The following SOS1 variants were observed in gnomAD, a reference collection of about 807,000 sequenced individuals.
SOS1 encodes the protein SOS Ras/Rac guanine nucleotide exchange factor 1.
A neutral mutation model predicts 157.6 loss-of-function variants in SOS1; 25 were observed. That is an observed-to-expected ratio of 0.16 (90% CI 0.12 to 0.22). SOS1 has a LOEUF of 0.22. SOS1 is among the 10% of genes least tolerant of loss of function. SOS1 has a pLI of 1.00. For synonymous variants in SOS1, 528 were observed against 534.0 expected (o/e 0.99, Z 0.16); for missense variants, 1,237 against 1,599.1 (o/e 0.77, Z 3.86).
chr2:39,068,311 C>A (rs1340458067), intron 1 of SOS1, among the ~76,000 whole-genome samples: 2 of 152,070 alleles, frequency 1.3e-5, no homozygotes, highest in Non-Finnish European at 2.9e-5. Context: ...CAATATGATG[C>A]AGAAATGGGG....
chr2:39,087,903 T>A lies in SOS1; in HGVS notation c.88-20150A>T, dbSNP rs540273733. On this transcript the variant is annotated intron_variant, in intron 1 of 22. Coordinates refer to ENST00000402219, the MANE Select transcript of SOS1 (RefSeq NM_005633.4). ...CACATTGCCCAGGCTGGTCTTGAAC[T>A]CCTGGGCTCAAGTAATCCTCCTGCC... Among the ~76,000 whole-genome samples the A allele has an allele frequency of 3.9e-5, 6 of 151,952 alleles. No homozygotes were observed. In the South Asian group the frequency reaches 1.2e-3, roughly 32 times the overall value.
At chr2:39,067,264 T>C (rs890955977) in intron 2 of SOS1, among the ~76,000 whole-genome samples, 1 of 152,138 alleles carries the variant, frequency 6.6e-6, no homozygotes, top group Non-Finnish European at 1.5e-5. Context: ...TTCTTCTGCT[T>C]TGGCCTCCCA....
In SOS1 at chr2:39,067,714, C is replaced by G. The variant is rs730881052; in HGVS notation, c.127G>C (p.Asp43His). 1.9e-6 allele frequency: 3 copies of G among 1,611,466 alleles called. No homozygotes were observed. The highest frequency in any genetic ancestry group is 2.5e-6 in the Non-Finnish European group (3 of 1,177,564). ...AATTCTTCAACATACTGAAGAGCAT[C>G]ATCATTAGACTCGAGAGTAGGATGA... ...QVHPTLESND[D>H]ALQYVEELIL... is the part of the protein sequence containing the mutation. Residue 43 changes from aspartate (D) to histidine (H), a missense_variant, in exon 2 of 23, where the codon GAT (aspartate) becomes CAT (histidine). Transcript: ENST00000402219.
At position 39,024,045 on chromosome 2, in the gene SOS1, T is replaced by C. The variant is rs1226920380; in HGVS notation, c.1167A>G (p.Lys389=). ...ALLNVQSGME[K]ICSKSLAKRR... is the part of the protein sequence containing the mutation. ...GTTTTGCAAGACTTTTAGAACATAT[T>C]TTTTCCATACCACTCTGAACATTAA... Residue 389 remains lysine (K), a synonymous_variant, in exon 9 of 23, where the codon AAA becomes AAG. Coordinates refer to ENST00000402219, the MANE Select transcript of SOS1 (RefSeq NM_005633.4). 2 of 1,603,442 alleles carry C rather than the reference T, an allele frequency of 1.2e-6. No individual in the cohort carries two copies. The highest frequency in any genetic ancestry group is 1.3e-5 in the African/African-American group (1 of 74,868).
intron 6 of SOS1, among the ~76,000 whole-genome samples, chr2:39,050,774 C>T (rs1350286615): frequency 6.6e-6 from 1 of 152,156 alleles, no homozygotes; most frequent in Non-Finnish European, 1.5e-5. Context: ...ACTGGTCACA[C>T]AACTAATAAG....
intron 8 of SOS1, among the ~76,000 whole-genome samples, chr2:39,032,272 T>C (rs890964852): frequency 1.2e-4 from 18 of 152,182 alleles, no homozygotes; most frequent in African/African-American, 4.3e-4. Flanking sequence ...ATTTGACCAG[T>C]ATCTCCCTAC....
chr2:39,083,815 A>T (rs1672286519), intron 1 of SOS1, among the ~76,000 whole-genome samples: 1 of 152,202 alleles, frequency 6.6e-6, no homozygotes. Flanking sequence ...GACCACCAGT[A>T]AGGGAATGGT....
chr2:39,025,848 TCTTA>T (rs891891817), intron 8 of SOS1, among the ~76,000 whole-genome samples: 1 of 152,236 alleles, frequency 6.6e-6, no homozygotes, highest in Non-Finnish European at 1.5e-5. Context: ...TAAACAGATT[TCTTA>T]CTTATATTCT....
intron 17 of SOS1, among the ~76,000 whole-genome samples, chr2:38,998,350 A>G (rs981428585): frequency 6.6e-6 from 1 of 152,038 alleles, no homozygotes; most frequent in Admixed American, 6.6e-5. Context: ...CCTGGGTTCA[A>G]GCGATTCTCC....
At chr2:39,106,548 G>T (rs1041602005) in intron 1 of SOS1, among the ~76,000 whole-genome samples, 2 of 139,014 alleles carry the variant, frequency 1.4e-5, no homozygotes, top group African/African-American at 5.7e-5. Context: ...CCGAGATCCC[G>T]CCACTGCACT....
At chr2:39,011,548 T>G (rs1669474406) in intron 14 of SOS1, among the ~76,000 whole-genome samples, 1 of 152,114 alleles carries the variant, frequency 6.6e-6, no homozygotes, top group Non-Finnish European at 1.5e-5. Flanking sequence ...ATCTATAAAT[T>G]TATCTCATTT....
Position 38,984,049 on chromosome 2 carries a change from T to A in SOS1, c.*1775A>T, listed in dbSNP as rs982612850. ...TCTTAAAGGACTACATACTGTACTATCGTGATGTACATTTTATGCTCTAAT... is the reference window on the plus strand; with the variant it reads ...TCTTAAAGGACTACATACTGTACTAACGTGATGTACATTTTATGCTCTAAT... On this transcript the variant is annotated 3_prime_UTR_variant, in exon 23 of 23. Coordinates refer to ENST00000402219, the MANE Select transcript of SOS1 (RefSeq NM_005633.4). 1 of 152,198 alleles carries A rather than the reference T, an allele frequency of 6.6e-6. No individual in the cohort carries two copies. Among genetic ancestry groups the A allele is most frequent in the African/African-American group, 2.4e-5 (1 of 41,450 alleles). 9.4% of individuals were successfully genotyped at this position (152,198 alleles called of 1,614,324 possible). A position where few individuals can be genotyped will look rare whatever the true frequency, so the allele number is the denominator to read the frequency against.
At chr2:39,105,222 T>A (rs1458074374) in intron 1 of SOS1, among the ~76,000 whole-genome samples, 1 of 152,136 alleles carries the variant, frequency 6.6e-6, no homozygotes, top group Non-Finnish European at 1.5e-5. Context: ...TACAAAAAGT[T>A]TGTATCAATT....
At chr2:39,036,507 C>T (rs1042902539) in intron 6 of SOS1, among the ~76,000 whole-genome samples, 1 of 152,128 alleles carries the variant, frequency 6.6e-6, no homozygotes, top group African/African-American at 2.4e-5. Context: ...CACACCACCG[C>T]GCCTGGTTAC....
At chr2:39,108,069 T>C (rs886078197) in intron 1 of SOS1, among the ~76,000 whole-genome samples, 1 of 152,136 alleles carries the variant, frequency 6.6e-6, no homozygotes, top group African/African-American at 2.4e-5. Context: ...ATTCCCCCTT[T>C]CATCACCATC....
chr2:39,067,722 G>C lies in SOS1; in HGVS notation c.119C>G (p.Ser40Cys). 1 of 1,612,134 alleles carries C rather than the reference G, an allele frequency of 6.2e-7. No homozygotes were observed. Among genetic ancestry groups the C allele is most frequent in the Non-Finnish European group, 8.5e-7 (1 of 1,178,196 alleles). ...AACATACTGAAGAGCATCATCATTA[G>C]ACTCGAGAGTAGGATGAACTTGCCC... Reference protein sequence around the residue: ...VQGQVHPTLESNDDALQYVEE... With the variant: ...VQGQVHPTLECNDDALQYVEE... Residue 40 changes from serine to cysteine, a missense_variant, in exon 2 of 23, where the codon TCT becomes TGT. Ser to Cys is a moderately radical substitution (Grantham distance 112). Coordinates refer to ENST00000402219, the MANE Select transcript of SOS1 (RefSeq NM_005633.4).
intron 10 of SOS1, among the ~76,000 whole-genome samples, chr2:39,017,573 G>A (rs1669669398): frequency 6.6e-6 from 1 of 151,904 alleles, no homozygotes; most frequent in Non-Finnish European, 1.5e-5. Context: ...AGCTTGACTG[G>A]AATTAAGAGT....
At chr2:39,034,683 A>G in intron 8 of SOS1, 1 of 368,750 alleles carries the variant, frequency 2.7e-6, no homozygotes, top group Non-Finnish European at 5.6e-6. Flanking sequence ...TTTTACTGAG[A>G]TTACAGAAAT....
chr2:39,025,174 G>A (rs922427219), intron 8 of SOS1, among the ~76,000 whole-genome samples: 1 of 152,180 alleles, frequency 6.6e-6, no homozygotes, highest in African/African-American at 2.4e-5. Context: ...GGAGGCCCAG[G>A]TGGGAGGATC....
Sources: allele counts gnomAD v4.1 joint callset (sites outside exome capture counted in the v4.1 genomes callset), GRCh38; gene constraint gnomAD v4.1.1; transcripts MANE v1.5; gene names NCBI Gene and HGNC (gene_info 2026-07-23, HGNC 2026-07-21).